CDC42SE2: variants seen among roughly 807,000 people sequenced by gnomAD.
CDC42SE2 encodes CDC42 small effector protein 2.
A neutral mutation model predicts 11.5 loss-of-function variants in CDC42SE2; 3 were observed. That is an observed-to-expected ratio of 0.26 (90% confidence interval 0.12 to 0.67). The LOEUF (loss-of-function observed/expected upper bound fraction) is 0.67. Ranked by LOEUF, CDC42SE2 falls within the 30% of genes least tolerant of loss-of-function variation. The pLI is 0.80. For missense variants in CDC42SE2, 82 were observed against 106.8 expected, an observed-to-expected ratio of 0.77 and a Z score of 1.02; for synonymous variants, 33 against 34.8, an observed-to-expected ratio of 0.95 and a Z score of 0.18.
chr5:131,297,024 C>G (rs190545396), intron 1 of CDC42SE2, among the ~76,000 whole-genome samples: 1 of 151,826 alleles, frequency 6.6e-6, no homozygotes, highest in Non-Finnish European at 1.5e-5. Flanking sequence ...AATGTTTTCT[C>G]TAAGTTGTAA....
intron 2 of CDC42SE2, among the ~76,000 whole-genome samples, chr5:131,337,867 C>T (rs1159798029): frequency 1.3e-5 from 2 of 152,248 alleles, no homozygotes; most frequent in South Asian, 2.1e-4. Context: ...TGCTGTCTGT[C>T]ACCCTTTTCT....
intron 1 of CDC42SE2, among the ~76,000 whole-genome samples, chr5:131,269,011 A>G (rs1756937255): frequency 6.6e-6 from 1 of 152,094 alleles, no homozygotes; most frequent in Non-Finnish European, 1.5e-5. Flanking sequence ...GGCCTTCCAA[A>G]GTGCTGGTAT....
At chr5:131,230,698 G>T in the CDC42SE2 span, among the ~76,000 whole-genome samples, 2 of 152,176 alleles carry the variant, frequency 1.3e-5, no homozygotes, top group South Asian at 2.1e-4. Flanking sequence ...AAATGCAAAT[G>T]CAGGAAAGAA....
At chr5:131,348,015 A>G (rs749144547) in intron 2 of CDC42SE2, among the ~76,000 whole-genome samples, 1 of 152,228 alleles carries the variant, frequency 6.6e-6, no homozygotes, top group African/African-American at 2.4e-5. Context: ...AGAGTTATCT[A>G]TGACACACCC....
chr5:131,246,821 A>G (rs1320108299), intron 1 of CDC42SE2, among the ~76,000 whole-genome samples: 2 of 139,616 alleles, frequency 1.4e-5, no homozygotes, highest in Non-Finnish European at 3.0e-5. Flanking sequence ...TCAGCTCACC[A>G]CAATCTCTGC....
rs148803739 is a variant in CDC42SE2, at chr5:131,319,156, T to C, written c.-286+3012T>C. Among the ~76,000 whole-genome samples, 833 of 152,188 alleles carry C rather than the reference T, an allele frequency of 5.5e-3. 3 individuals are homozygous for C. Among genetic ancestry groups the C allele is most frequent in the Non-Finnish European group, 9.0e-3 (611 of 67,976 alleles). ...CAGACCTCAAATGATCCACCTGCTT[T>C]AGCCTCCCAAAGTGCTGGGATGAGT... On this transcript the variant is annotated intron_variant, in intron 2 of 4. Coordinates refer to ENST00000505065, the MANE Select transcript of CDC42SE2 (RefSeq NM_001375635.1).
chr5:131,324,379 G>A (rs1460279092), intron 2 of CDC42SE2, among the ~76,000 whole-genome samples: 1 of 152,090 alleles, frequency 6.6e-6, no homozygotes, highest in Non-Finnish European at 1.5e-5. Context: ...CACAAGTAGT[G>A]GTATGGCTTG....
rs2149772245 is a variant in CDC42SE2, at chr5:131,361,741, GA to G, written c.54+2196del. 1.3e-5 allele frequency among the ~76,000 whole-genome samples: 2 copies of G among 152,290 alleles called. 1 individual carries two copies. Among genetic ancestry groups the G allele is most frequent in the South Asian group, 4.1e-4 (2 of 4,828 alleles). ...TAGCTCTCTGTCGATGAGGGAGCCA[GA>G]ATGGAGATGGTTTTCCCCTGGAGTT... On this transcript the variant is annotated intron_variant, in intron 3 of 4. Transcript: ENST00000505065.
chr5:131,384,939 A>G (rs1243460984), intron 3 of CDC42SE2, among the ~76,000 whole-genome samples: 3 of 150,892 alleles, frequency 2.0e-5, no homozygotes, highest in East Asian at 3.9e-4. Context: ...AAAAAAATTA[A>G]GAAGAGTGAG....
intron 1 of CDC42SE2, among the ~76,000 whole-genome samples, chr5:131,283,550 G>A (rs921271933): frequency 6.6e-6 from 1 of 151,576 alleles, no homozygotes; most frequent in Non-Finnish European, 1.5e-5. Context: ...CTGGAGTGCA[G>A]TGGTGTGATC....
the CDC42SE2 span, among the ~76,000 whole-genome samples, chr5:131,215,201 C>G: frequency 6.6e-6 from 1 of 152,178 alleles, no homozygotes; most frequent in African/African-American, 2.4e-5. Context: ...ACAGCTGTGT[C>G]GCTGAAAATA....
At chr5:131,270,558 A>G (rs1355592621) in intron 1 of CDC42SE2, among the ~76,000 whole-genome samples, 2 of 152,168 alleles carry the variant, frequency 1.3e-5, no homozygotes, top group African/African-American at 2.4e-5. Context: ...GAAAGGTTTA[A>G]TGGGTGGAAC....
At chr5:131,294,767 A>G (rs761885870) in intron 1 of CDC42SE2, among the ~76,000 whole-genome samples, 8 of 152,020 alleles carry the variant, frequency 5.3e-5, no homozygotes, top group Non-Finnish European at 8.8e-5. Context: ...TGAGGCGGGC[A>G]GATCACTTGA....
intron 3 of CDC42SE2, among the ~76,000 whole-genome samples, chr5:131,369,408 G>A (rs1376222452): frequency 2.7e-5 from 4 of 149,996 alleles, no homozygotes; most frequent in Admixed American, 6.6e-5. Flanking sequence ...CTGGTAACAT[G>A]TGCCCAAGTT....
chr5:131,334,342 G>C (rs189779436), intron 2 of CDC42SE2, among the ~76,000 whole-genome samples: 1 of 152,174 alleles, frequency 6.6e-6, no homozygotes, highest in African/African-American at 2.4e-5. Flanking sequence ...TAAGCTTTTT[G>C]ATGTGTTGCT....
chr5:131,219,427 C>G, the CDC42SE2 span, among the ~76,000 whole-genome samples: 1 of 152,118 alleles, frequency 6.6e-6, no homozygotes, highest in East Asian at 1.9e-4. Flanking sequence ...CCTCAATATC[C>G]TTTTCAGAAT....
chr5:131,351,532 G>A (rs1403567175), intron 2 of CDC42SE2, among the ~76,000 whole-genome samples: 2 of 152,230 alleles, frequency 1.3e-5, no homozygotes, highest in Middle Eastern at 3.4e-3. Context: ...GGGATTACAG[G>A]CGTGAGCCAC....
At chr5:131,293,612 G>C (rs1038924392) in intron 1 of CDC42SE2, among the ~76,000 whole-genome samples, 1 of 150,062 alleles carries the variant, frequency 6.7e-6, no homozygotes, top group African/African-American at 2.4e-5. Context: ...ACCAGACTCT[G>C]AATCCACCAG....
chr5:131,289,603 G>A (rs1271537769), intron 1 of CDC42SE2, among the ~76,000 whole-genome samples: 2 of 151,906 alleles, frequency 1.3e-5, no homozygotes, highest in African/African-American at 2.4e-5. Context: ...AACCCAGGAG[G>A]CAGAGCTTGC....
Sources: allele counts gnomAD v4.1 joint callset (sites outside exome capture counted in the v4.1 genomes callset), GRCh38; gene constraint gnomAD v4.1.1; transcripts MANE v1.5; gene names NCBI Gene and HGNC (gene_info 2026-07-23, HGNC 2026-07-21).